ERO1B: variants seen among roughly 807,000 people sequenced by gnomAD.
ERO1B encodes the protein ERO1-like protein beta.
Under a neutral mutation model 75.3 loss-of-function variants are expected in ERO1B, and 49 were observed. The observed-to-expected ratio is 0.65, with a 90% CI of 0.52 to 0.83. The LOEUF (loss-of-function observed/expected upper bound fraction) is 0.83. ERO1B is among the 40% of genes least tolerant of loss of function. The probability of loss-of-function intolerance (pLI) is 0.00; values close to 1 mark genes in which losing one functional copy is unlikely to be tolerated. For missense variants in ERO1B, 512 were observed against 560.1 expected (o/e 0.91, Z 0.87); for synonymous variants, 191 against 192.9 (o/e 0.99, Z 0.08).
At chr1:236,224,749 C>T (rs1445314016) in intron 13 of ERO1B, among the ~76,000 whole-genome samples, 1 of 152,110 alleles carries the variant, frequency 6.6e-6, no homozygotes, top group Non-Finnish European at 1.5e-5. Context: ...TGGCTAAAAG[C>T]TCATGGTATT....
At chr1:236,257,208 T>TG (rs1415395079) in intron 2 of ERO1B, among the ~76,000 whole-genome samples, 6 of 152,166 alleles carry the variant, frequency 3.9e-5, no homozygotes, top group African/African-American at 1.4e-4. Flanking sequence ...ACTAGAATAC[T>TG]GCCAAGGCTG....
At chr1:236,259,611 CTT>C (rs1393853686) in intron 2 of ERO1B, among the ~76,000 whole-genome samples, 1 of 152,016 alleles carries the variant, frequency 6.6e-6, no homozygotes, top group African/African-American at 2.4e-5. Flanking sequence ...ACAAAATAGA[CTT>C]TAAGTCAAAC....
At position 236,255,466 on chromosome 1, in the gene ERO1B, G is replaced by A. The variant is rs144214941; in HGVS notation, c.223-1961C>T. 5.3e-3 allele frequency among the ~76,000 whole-genome samples: 810 copies of A among 152,022 alleles called. 4 individuals carry two copies. Among genetic ancestry groups the A allele is most frequent in the Non-Finnish European group, 7.0e-3 (478 of 67,988 alleles). The stretch of plus-strand genomic sequence containing the variant: ...TGAATGTTATCTGCTTATTGTCTGC[G>A]CCTCCTACCATAAGGATCAGAATTT... On this transcript the variant is annotated intron_variant, in intron 2 of 15. Transcript: ENST00000354619.
At chr1:236,250,735 C>T (rs1388878678) in intron 4 of ERO1B, among the ~76,000 whole-genome samples, 4 of 149,906 alleles carry the variant, frequency 2.7e-5, no homozygotes, top group Admixed American at 2.0e-4. Context: ...CATATATATA[C>T]ACACACACAC....
chr1:236,265,904 G>A (rs1356594424), intron 2 of ERO1B, among the ~76,000 whole-genome samples: 1 of 152,088 alleles, frequency 6.6e-6, no homozygotes, highest in Non-Finnish European at 1.5e-5. Flanking sequence ...CATTAGGTAG[G>A]ACTTTGCTCA....
chr1:236,224,065 T>C (rs1664221587), intron 13 of ERO1B, among the ~76,000 whole-genome samples: 1 of 152,172 alleles, frequency 6.6e-6, no homozygotes. Context: ...CTGTATATTA[T>C]GAAACATCTC....
intron 1 of ERO1B, among the ~76,000 whole-genome samples, chr1:236,278,482 C>A (rs1287821344): frequency 6.6e-6 from 1 of 151,956 alleles, no homozygotes. Context: ...TTATTTCTTG[C>A]CCACTCCACT....
At chr1:236,266,962 T>C (rs1035905773) in intron 2 of ERO1B, among the ~76,000 whole-genome samples, 8 of 152,220 alleles carry the variant, frequency 5.3e-5, no homozygotes, top group South Asian at 2.1e-4. Context: ...AAGAACCACA[T>C]TGTCACTTTT....
intron 1 of ERO1B, among the ~76,000 whole-genome samples, chr1:236,273,701 G>C (rs543022677): frequency 6.6e-6 from 1 of 151,520 alleles, no homozygotes; most frequent in Admixed American, 6.6e-5. Context: ...AGCTACTCAA[G>C]AGGCTGAGAT....
At chr1:236,250,011 C>CT in intron 4 of ERO1B, 44 bp from the exon 5 acceptor site, 1 of 1,327,096 alleles carries the variant, frequency 7.5e-7, no homozygotes, top group Non-Finnish European at 1.1e-6. Flanking sequence ...TTACCTTATT[C>CT]TTTATTTCAG....
At chr1:236,271,097 A>G (rs1302789175) in intron 1 of ERO1B, among the ~76,000 whole-genome samples, 2 of 152,230 alleles carry the variant, frequency 1.3e-5, no homozygotes, top group Non-Finnish European at 2.9e-5. Context: ...TCCCAATTAT[A>G]ACACTGTACT....
chr1:236,221,905 G>A lies in ERO1B; in HGVS notation c.1209+19C>T. 1.3e-6 allele frequency: 2 copies of A among 1,589,110 alleles called. No individual in the cohort carries two copies. Among genetic ancestry groups the A allele is most frequent in the Non-Finnish European group, 1.7e-6 (2 of 1,158,070 alleles). On this transcript the variant is annotated intron_variant, in intron 14 of 15. Coordinates refer to ENST00000354619, the MANE Select transcript of ERO1B (RefSeq NM_019891.4). ...ATAAAGGTTAGTAATGGCTTCAAAA[G>A]AGAAGACAACACATATACCTGTAAT...
At chr1:236,266,101 T>A (rs1182596508) in intron 2 of ERO1B, among the ~76,000 whole-genome samples, 1 of 152,224 alleles carries the variant, frequency 6.6e-6, no homozygotes, top group East Asian at 1.9e-4. Flanking sequence ...GTCTCTCTTA[T>A]CAGAAAAGTT....
chr1:236,232,963 G>A, intron 8 of ERO1B, 124 bp from the exon 9 acceptor site: 1 of 711,450 alleles, frequency 1.4e-6, no homozygotes, highest in Non-Finnish European at 2.2e-6. Context: ...TCACTGAGTA[G>A]ACGCCCTGCA....
chr1:236,225,149 T>C lies in ERO1B; in HGVS notation c.1053-10A>G, dbSNP rs542574619. 6.2e-7 allele frequency: 1 copy of C among 1,613,552 alleles called. No individual in the cohort carries two copies. The highest frequency in any genetic ancestry group is 1.3e-5 in the African/African-American group (1 of 75,042). ...GTGCATGGGAAAGGACCTGATAAAA[T>C]GATAGTATTGGATTAAGTTACACAT... On this transcript the variant is annotated splice_polypyrimidine_tract_variant and intron_variant, in intron 12 of 15. Coordinates refer to ENST00000354619, the MANE Select transcript of ERO1B (RefSeq NM_019891.4).
At chr1:236,224,482 A>AAAAAAAT (rs35000494) in intron 13 of ERO1B, among the ~76,000 whole-genome samples, 1 of 150,394 alleles carries the variant, frequency 6.6e-6, no homozygotes, top group Non-Finnish European at 1.5e-5. Flanking sequence ...AAAAAAAAAA[A>AAAAAAAT]TGCCAATTTC....
intron 6 of ERO1B, among the ~76,000 whole-genome samples, chr1:236,242,251 T>C (rs753114675): frequency 6.6e-6 from 1 of 152,190 alleles, no homozygotes; most frequent in Non-Finnish European, 1.5e-5. Flanking sequence ...CTATTATTTA[T>C]ACTTTAATCA....
At chr1:236,278,772 C>T (rs1381400146) in intron 1 of ERO1B, among the ~76,000 whole-genome samples, 1 of 152,134 alleles carries the variant, frequency 6.6e-6, no homozygotes, top group African/African-American at 2.4e-5. Flanking sequence ...TTCATTTATA[C>T]GATAATGGGG....
In ERO1B at chr1:236,226,700, G is replaced by A. The variant is rs748723340; in HGVS notation, c.752C>T (p.Ser251Leu). The A allele has an allele frequency of 1.9e-5, 30 of 1,612,342 alleles. No individual in the cohort carries two copies. The highest frequency in any genetic ancestry group is 3.3e-5 in the Admixed American group (2 of 59,720). Reference sequence around the variant, plus strand: ...TAAATTGATGCTAGCATGAAGTCCCGATATAAGCTTATAGAAGACTCTTTT... The same window carrying A: ...TAAATTGATGCTAGCATGAAGTCCCAATATAAGCTTATAGAAGACTCTTTT... ...LEKRVFYKLISGLHASINLHL... is the reference protein window; with the variant it reads ...LEKRVFYKLILGLHASINLHL... Residue 251 changes from serine (S) to leucine (L), a missense_variant, in exon 11 of 16, where the codon TCG becomes TTG. Ser to Leu is a moderately radical substitution (Grantham distance 145). Coordinates refer to ENST00000354619, the MANE Select transcript of ERO1B (RefSeq NM_019891.4).
Sources: gnomAD v4.1 joint callset for allele counts (sites outside exome capture counted in the v4.1 genomes callset) on GRCh38, gnomAD v4.1.1 for gene constraint, MANE v1.5 for transcripts, NCBI Gene and HGNC (gene_info 2026-07-23, HGNC 2026-07-21) for gene names.